PTPRB: variants seen among roughly 807,000 people sequenced by gnomAD.
PTPRB encodes protein tyrosine phosphatase receptor type B.
Under a neutral mutation model 238.1 loss-of-function variants are expected in PTPRB, and 97 were observed. The observed-to-expected ratio is 0.41, with a 90% CI of 0.35 to 0.48. PTPRB has a LOEUF of 0.48. Among genes scored for constraint, PTPRB ranks in the 20% least tolerant of loss-of-function variants. The pLI is 0.30. For synonymous variants in PTPRB, 970 were observed against 995.4 expected, an observed-to-expected ratio of 0.97 and a Z score of 0.48; for missense variants, 2,292 against 2,681.9, an observed-to-expected ratio of 0.85 and a Z score of 3.21.
chr12:70,595,506 G>T (rs1279585560), intron 5 of PTPRB, among the ~76,000 whole-genome samples: 1 of 151,828 alleles, frequency 6.6e-6, no homozygotes, highest in African/African-American at 2.4e-5. Context: ...TGAGGGGAGA[G>T]CAAATGACAT....
intron 9 of PTPRB, among the ~76,000 whole-genome samples, chr12:70,583,872 G>A (rs1468977365): frequency 6.6e-6 from 1 of 152,038 alleles, no homozygotes; most frequent in African/African-American, 2.4e-5. Context: ...AGGGAAAACA[G>A]GCTTACAGTA....
intron 3 of PTPRB, among the ~76,000 whole-genome samples, chr12:70,620,016 C>T (rs73328150): frequency 0.015 from 2,358 of 152,204 alleles, 68 homozygotes; most frequent in African/African-American, 0.054. Flanking sequence ...CAGTCTAAGG[C>T]GTTAGAGTCA....
chr12:70,523,900 C>G (rs1171085109), intron 33 of PTPRB, among the ~76,000 whole-genome samples: 1 of 151,702 alleles, frequency 6.6e-6, no homozygotes, highest in Admixed American at 6.6e-5. Context: ...ACTGCAACTT[C>G]TACCTCCCAG....
intron 18 of PTPRB, chr12:70,559,020 A>T: frequency 4.5e-6 from 2 of 445,342 alleles, no homozygotes; most frequent in Non-Finnish European, 4.0e-6. Flanking sequence ...TTTTCCAAGA[A>T]GTTCTCTTGT....
At chr12:70,579,399 A>G (rs1881124557) in intron 10 of PTPRB, among the ~76,000 whole-genome samples, 1 of 152,120 alleles carries the variant, frequency 6.6e-6, no homozygotes, top group Admixed American at 6.5e-5. Flanking sequence ...AATATCAGGG[A>G]GAAAGATGCA....
At chr12:70,592,193 G>A (rs757300831) in intron 7 of PTPRB, 89 bp downstream of exon 7, 3 of 1,563,120 alleles carry the variant, frequency 1.9e-6, no homozygotes, top group Non-Finnish European at 1.7e-6. Context: ...TGGGAAAGGA[G>A]TTTTCCTGCT....
At chr12:70,546,699 T>G (rs1876019803) in intron 21 of PTPRB, among the ~76,000 whole-genome samples, 1 of 152,190 alleles carries the variant, frequency 6.6e-6, no homozygotes. Context: ...ATTAAGCTGT[T>G]TTCTAACATT....
intron 21 of PTPRB, among the ~76,000 whole-genome samples, chr12:70,546,419 T>C (rs1271529302): frequency 6.6e-6 from 1 of 152,180 alleles, no homozygotes; most frequent in East Asian, 1.9e-4. Flanking sequence ...ATCCCTATCA[T>C]AGGACCTAAG....
At chr12:70,626,063 A>G (rs1293330409) in intron 2 of PTPRB, among the ~76,000 whole-genome samples, 1 of 152,124 alleles carries the variant, frequency 6.6e-6, no homozygotes, top group Non-Finnish European at 1.5e-5. Context: ...AAGATAATAT[A>G]TTGTGTAAGT....
At chr12:70,570,302 TACTA>T in intron 13 of PTPRB, among the ~76,000 whole-genome samples, 1 of 152,286 alleles carries the variant, frequency 6.6e-6, no homozygotes, top group Admixed American at 6.5e-5. Context: ...GTGATGATAA[TACTA>T]ACCAGCCCAT....
chr12:70,633,482 A>C (rs901897631), intron 2 of PTPRB, among the ~76,000 whole-genome samples: 1 of 151,802 alleles, frequency 6.6e-6, no homozygotes, highest in African/African-American at 2.4e-5. Context: ...AAAAGAAAAA[A>C]CCCCACAATG....
intron 2 of PTPRB, among the ~76,000 whole-genome samples, chr12:70,628,790 C>A (rs955227467): frequency 2.6e-5 from 4 of 152,000 alleles, no homozygotes; most frequent in Non-Finnish European, 5.9e-5. Context: ...GTCTTGAACT[C>A]CTGGCATCAA....
chr12:70,520,217 A>G lies in PTPRB; in HGVS notation c.*1272T>C. 2.1e-6 allele frequency: 1 copy of G among 479,524 alleles called. No individual in the cohort carries two copies. The highest frequency in any genetic ancestry group is 4.2e-6 in the Non-Finnish European group (1 of 238,214). The allele number at this position is 479,524 out of a possible 1,614,324, so 29.7% of individuals were successfully genotyped here. A position where few individuals can be genotyped will look rare whatever the true frequency, so the allele number is the denominator to read the frequency against. The stretch of plus-strand genomic sequence containing the variant: ...TTCCCAGGAATGCTGTCGGAACTGG[A>G]CCTTGATGAAGGAAATACTTTCTGA... On this transcript the variant is annotated 3_prime_UTR_variant, in exon 34 of 34. Coordinates refer to ENST00000334414, the MANE Select transcript of PTPRB (RefSeq NM_001109754.4).
At chr12:70,544,431 G>A in intron 22 of PTPRB, 126 bp downstream of exon 22, 2 of 677,214 alleles carry the variant, frequency 3.0e-6, no homozygotes, top group Non-Finnish European at 5.0e-6. Context: ...TCAATTTTTG[G>A]TCACATAAAG....
At chr12:70,586,528 A>G (rs761875051) in intron 9 of PTPRB, among the ~76,000 whole-genome samples, 5 of 152,140 alleles carry the variant, frequency 3.3e-5, no homozygotes, top group African/African-American at 4.8e-5. Context: ...TCTAAAGCCA[A>G]TTCCTTCACT....
At chr12:70,537,231 G>A (rs1874275795) in intron 28 of PTPRB, among the ~76,000 whole-genome samples, 2 of 146,122 alleles carry the variant, frequency 1.4e-5, no homozygotes, top group South Asian at 4.3e-4. Flanking sequence ...AGCTTGCAGT[G>A]AGCAGAGATC....
At chr12:70,592,146 C>T in intron 7 of PTPRB, 136 bp downstream of exon 7, 2 of 1,238,174 alleles carry the variant, frequency 1.6e-6, no homozygotes, top group Non-Finnish European at 2.3e-6. Flanking sequence ...GGCCATACTA[C>T]AGACACCTTC....
chr12:70,619,305 A>ATGT (rs1884818061), intron 3 of PTPRB, among the ~76,000 whole-genome samples: 1 of 144,732 alleles, frequency 6.9e-6, no homozygotes, highest in Non-Finnish European at 1.5e-5. Flanking sequence ...GGTGATGATG[A>ATGT]TGATGATGAT....
At chr12:70,602,222 T>C (rs1230037135) in intron 4 of PTPRB, among the ~76,000 whole-genome samples, 2 of 152,214 alleles carry the variant, frequency 1.3e-5, no homozygotes, top group Non-Finnish European at 2.9e-5. Context: ...GTAACATCTG[T>C]ATACACTAGA....
Sources: allele counts gnomAD v4.1 joint callset (sites outside exome capture counted in the v4.1 genomes callset), GRCh38; gene constraint gnomAD v4.1.1; transcripts MANE v1.5; gene names NCBI Gene and HGNC (gene_info 2026-07-23, HGNC 2026-07-21).